Variants in FGGY observed in about 807,000 individuals in gnomAD.
FGGY encodes the protein FGGY carbohydrate kinase domain-containing protein.
Under a neutral mutation model 71.3 loss-of-function variants are expected in FGGY, and 72 were observed. The observed-to-expected ratio is 1.01, with a 90% CI of 0.84 to 1.23. The LOEUF is 1.23. Among genes scored for constraint, FGGY ranks in the 50% most tolerant of loss-of-function variants. The pLI, the probability that FGGY is intolerant of heterozygous loss-of-function variation, is 0.00. For synonymous variants in FGGY, 251 were observed against 250.3 expected, an observed-to-expected ratio of 1.00 and a Z score of -0.02; for missense variants, 668 against 682.3, an observed-to-expected ratio of 0.98 and a Z score of 0.23.
At chr1:59,491,693 CTT>C (rs5774472) in intron 6 of FGGY, among the ~76,000 whole-genome samples, 14 of 145,626 alleles carry the variant, frequency 9.6e-5, no homozygotes, top group Admixed American at 1.4e-4. Context: ...TTTAGCTGTT[CTT>C]TTTTTTTTTT....
At chr1:59,627,187 A>G (rs1249236950) in intron 10 of FGGY, among the ~76,000 whole-genome samples, 1 of 152,054 alleles carries the variant, frequency 6.6e-6, no homozygotes, top group Non-Finnish European at 1.5e-5. Context: ...AGAAAAAAGA[A>G]AAGAACCTAA....
intron 10 of FGGY, among the ~76,000 whole-genome samples, chr1:59,635,544 G>A (rs1438125053): frequency 2.6e-5 from 3 of 116,790 alleles, no homozygotes; most frequent in African/African-American, 7.0e-5. Flanking sequence ...ATAGACATGC[G>A]TTTCCAAAAA....
chr1:59,369,029 T>A (rs2070200752), intron 4 of FGGY, among the ~76,000 whole-genome samples: 1 of 152,114 alleles, frequency 6.6e-6, no homozygotes, highest in African/African-American at 2.4e-5. Context: ...AGGTACTAGG[T>A]TCATCTCACT....
intron 5 of FGGY, among the ~76,000 whole-genome samples, chr1:59,402,003 C>T (rs529711499): frequency 1.1e-4 from 17 of 152,230 alleles, no homozygotes; most frequent in African/African-American, 3.9e-4. Flanking sequence ...TTCAGTGTTT[C>T]GATTTATTTA....
rs569900715 is a variant in FGGY at position 59,371,405 on chromosome 1, A to G, written c.466-7344A>G. Reference sequence around the variant, plus strand: ...AATACAGGAACACCCAGATTCATAAAGCAAGTCCTTAGAGAACTACAAAGA... The same window carrying G: ...AATACAGGAACACCCAGATTCATAAGGCAAGTCCTTAGAGAACTACAAAGA... On this transcript the variant is annotated intron_variant, in intron 4 of 15. Transcript: ENST00000303721. 3.9e-5 allele frequency among the ~76,000 whole-genome samples: 6 copies of G among 152,298 alleles called. No homozygotes were observed. In the South Asian group the frequency reaches 1.2e-3, roughly 32 times the overall value.
intron 14 of FGGY, among the ~76,000 whole-genome samples, chr1:59,707,333 C>T (rs1014827316): frequency 4.6e-5 from 7 of 152,172 alleles, no homozygotes; most frequent in South Asian, 4.1e-4. Flanking sequence ...CTCTAAATCC[C>T]TAATGATATG....
chr1:59,422,875 T>G (rs191252369), intron 5 of FGGY, among the ~76,000 whole-genome samples: 1,645 of 152,322 alleles, frequency 0.011, 65 homozygotes, highest in Admixed American at 0.081. Flanking sequence ...AATTTATATT[T>G]TCTTCTTTAA....
chr1:59,466,745 A>G (rs1461821316), intron 6 of FGGY, among the ~76,000 whole-genome samples: 1 of 152,272 alleles, frequency 6.6e-6, no homozygotes, highest in African/African-American at 2.4e-5. Flanking sequence ...GCCAACAGAC[A>G]CATGAAAACA....
intron 6 of FGGY, among the ~76,000 whole-genome samples, chr1:59,499,803 G>A (rs960116582): frequency 1.3e-5 from 2 of 152,156 alleles, no homozygotes; most frequent in African/African-American, 2.4e-5. Context: ...CCTGTGACCT[G>A]ACTCTTGAAA....
At position 59,472,126 on chromosome 1, in the gene FGGY, AAGG is replaced by A. The variant is rs561637414; in HGVS notation, c.670+15053_670+15055del. Among the ~76,000 whole-genome samples the A allele has an allele frequency of 6.2e-3, 944 of 152,250 alleles. 6 individuals are homozygous for A. Among genetic ancestry groups the A allele is most frequent in the Non-Finnish European group, 8.8e-3 (598 of 68,006 alleles). ...CCCCTCAGCTTGCGGGGAGGTGTGG[AAGG>A]AGAGGCGCGGGCGGGAACCGGGGCT... On this transcript the variant is annotated intron_variant, in intron 6 of 15. Coordinates refer to ENST00000303721, the MANE Select transcript of FGGY (RefSeq NM_018291.5).
At chr1:59,320,810 T>C (rs71646033) in intron 1 of FGGY, among the ~76,000 whole-genome samples, 9,669 of 152,328 alleles carry the variant, frequency 0.063, 424 homozygotes, top group Non-Finnish European at 0.096. Context: ...TGCACAAATA[T>C]GGGACTTTAG....
chr1:59,346,224 C>T (rs372472636), intron 3 of FGGY, 23 bp from the exon 4 acceptor site: 17 of 1,611,840 alleles, frequency 1.1e-5, no homozygotes, highest in Non-Finnish European at 1.4e-5. Flanking sequence ...TGTCCATCTG[C>T]ATCTCCCTCT....
intron 14 of FGGY, among the ~76,000 whole-genome samples, chr1:59,688,798 G>A (rs996610517): frequency 2.0e-5 from 3 of 151,202 alleles, no homozygotes; most frequent in Non-Finnish European, 4.4e-5. Context: ...CGCCTAGGCT[G>A]GAGTGCAGTG....
intron 3 of FGGY, among the ~76,000 whole-genome samples, chr1:59,342,159 G>A: frequency 6.6e-6 from 1 of 152,120 alleles, no homozygotes; most frequent in East Asian, 1.9e-4. Context: ...ATCAACTGGA[G>A]ATCTTTTTAA....
intron 9 of FGGY, among the ~76,000 whole-genome samples, chr1:59,611,888 A>T (rs2096685492): frequency 6.6e-6 from 1 of 152,252 alleles, no homozygotes; most frequent in Admixed American, 6.5e-5. Context: ...CAACTGGAAG[A>T]AAAGGTATCA....
chr1:59,344,672 G>A (rs1320708606), intron 3 of FGGY, among the ~76,000 whole-genome samples: 6 of 152,050 alleles, frequency 3.9e-5, no homozygotes, highest in Admixed American at 6.6e-5. Flanking sequence ...TCGTATTTGC[G>A]TATAACCTAT....
chr1:59,410,619 C>T (rs1160167466), intron 5 of FGGY, among the ~76,000 whole-genome samples: 1 of 152,120 alleles, frequency 6.6e-6, no homozygotes, highest in Non-Finnish European at 1.5e-5. Context: ...TTCCCTTTCA[C>T]TTGTCCTACC....
intron 14 of FGGY, among the ~76,000 whole-genome samples, chr1:59,704,024 T>G (rs936335003): frequency 2.0e-5 from 3 of 152,154 alleles, no homozygotes; most frequent in African/African-American, 7.2e-5. Flanking sequence ...ATCACTCTGG[T>G]TCATGATTCA....
intron 4 of FGGY, among the ~76,000 whole-genome samples, chr1:59,373,391 T>C (rs1292552408): frequency 6.6e-6 from 1 of 152,068 alleles, no homozygotes; most frequent in African/African-American, 2.4e-5. Flanking sequence ...AAACCACTGC[T>C]CAAGGAAATT....
Sources: gnomAD v4.1 joint callset for allele counts (sites outside exome capture counted in the v4.1 genomes callset) on GRCh38, gnomAD v4.1.1 for gene constraint, MANE v1.5 for transcripts, NCBI Gene and HGNC (gene_info 2026-07-23, HGNC 2026-07-21) for gene names.